AFF1: variants seen among roughly 807,000 people sequenced by gnomAD.
AFF1 encodes ALF transcription elongation factor 1.
Under a neutral mutation model 121.7 loss-of-function variants are expected in AFF1, and 48 were observed. That is an observed-to-expected ratio of 0.39 (90% CI 0.31 to 0.50). The LOEUF (loss-of-function observed/expected upper bound fraction) is 0.50, where lower values mean the gene tolerates loss of function less well. AFF1 is among the 20% of genes least tolerant of loss of function. The pLI, the probability that AFF1 is intolerant of heterozygous loss-of-function variation, is 0.76. For synonymous variants in AFF1, 613 were observed against 563.0 expected (o/e 1.09, Z -1.26); for missense variants, 1,523 against 1,511.7 (o/e 1.01, Z -0.12).
At chr4:86,989,620 T>C (rs567404107) in intron 2 of AFF1, among the ~76,000 whole-genome samples, 1 of 152,326 alleles carries the variant, frequency 6.6e-6, no homozygotes, top group South Asian at 2.1e-4. Context: ...AGTGTGGTGA[T>C]TCCTCAAGGA....
chr4:87,112,675 TCAG>T (rs1178029190), intron 11 of AFF1, among the ~76,000 whole-genome samples: 1 of 152,240 alleles, frequency 6.6e-6, no homozygotes, highest in East Asian at 1.9e-4. Flanking sequence ...GGGAAAATTG[TCAG>T]CAGTCTTTCT....
intron 8 of AFF1, among the ~76,000 whole-genome samples, chr4:87,096,434 G>GT (rs1441575732): frequency 9.9e-6 from 1 of 101,082 alleles, no homozygotes; most frequent in East Asian, 3.2e-4. Context: ...GTCTCCCTTT[G>GT]TTGCCCAGGC....
intron 2 of AFF1, among the ~76,000 whole-genome samples, chr4:87,018,135 A>T (rs1351203812): frequency 1.3e-5 from 2 of 152,218 alleles, no homozygotes; most frequent in East Asian, 3.8e-4. Flanking sequence ...GCCAATTCAC[A>T]CGCATTAAGT....
chr4:87,135,688 C>T lies in AFF1; in HGVS notation c.3644C>T (p.Thr1215Ile). ...GGTTTTCAGCAGCTACAAGAATTAA[C>T]CAAAACACCTTAATGGAGCCCCAGG... is the stretch of plus-strand genomic sequence containing the variant. ...RQGFQQLQEL[T>I]KTP Residue 1215 changes from threonine (T) to isoleucine (I), a missense_variant, in exon 21 of 21, where the codon ACC becomes ATC. Physicochemically the swap from Thr to Ile is moderately conservative, Grantham distance 89. Coordinates refer to ENST00000395146, the MANE Select transcript of AFF1 (RefSeq NM_001166693.3). The T allele has an allele frequency of 6.2e-7, 1 of 1,611,732 alleles. No individual in the cohort carries two copies. The highest frequency in any genetic ancestry group is 8.5e-7 in the Non-Finnish European group (1 of 1,178,980).
chr4:86,970,108 T>C (rs1722839627), intron 2 of AFF1, among the ~76,000 whole-genome samples: 1 of 152,104 alleles, frequency 6.6e-6, no homozygotes, highest in African/African-American at 2.4e-5. Flanking sequence ...TTTAATGTTA[T>C]AACTTTTAAA....
chr4:86,956,793 G>A (rs6834549), intron 2 of AFF1, among the ~76,000 whole-genome samples: 5,909 of 152,250 alleles, frequency 0.039, 194 homozygotes, highest in African/African-American at 0.092. Context: ...TTGCATAGAT[G>A]TGCCATCTTG....
At chr4:87,056,872 C>T (rs144005747) in intron 4 of AFF1, among the ~76,000 whole-genome samples, 68 of 152,308 alleles carry the variant, frequency 4.5e-4, no homozygotes, top group African/African-American at 1.4e-3. Context: ...TAGGTGCTAA[C>T]TCATTTCATA....
At chr4:86,973,737 T>A (rs1256942168) in intron 2 of AFF1, 1 of 152,150 alleles carries the variant, frequency 6.6e-6, no homozygotes, top group Non-Finnish European at 1.5e-5. Context: ...TTTTCCTTTC[T>A]CTTTTCTCTT....
intron 12 of AFF1, among the ~76,000 whole-genome samples, chr4:87,116,970 G>C (rs1727189704): frequency 6.6e-6 from 1 of 152,152 alleles, no homozygotes; most frequent in Non-Finnish European, 1.5e-5. Context: ...TCCCTGTCCT[G>C]GTAAATCTCT....
chr4:86,963,963 G>GTTTTTTTTTTTTTTT (rs3035477), intron 2 of AFF1, among the ~76,000 whole-genome samples: 24 of 104,356 alleles, frequency 2.3e-4, no homozygotes, highest in African/African-American at 3.1e-4. Context: ...GACTAGACTG[G>GTTTTTTTTTTTTTTT]TTTTTTTTTT....
chr4:87,115,350 G>A (rs1205004195), intron 12 of AFF1, 51 bp downstream of exon 12: 1 of 1,466,894 alleles, frequency 6.8e-7, no homozygotes, highest in Non-Finnish European at 9.0e-7. Context: ...CCTTGCTGTT[G>A]GCCTGGCGGT....
At chr4:87,051,748 G>A (rs1336535051) in intron 4 of AFF1, among the ~76,000 whole-genome samples, 2 of 152,116 alleles carry the variant, frequency 1.3e-5, no homozygotes, top group Admixed American at 1.3e-4. Flanking sequence ...GATTACAGGT[G>A]TGAGCCACTG....
intron 1 of AFF1, among the ~76,000 whole-genome samples, chr4:86,939,624 A>C (rs1018104177): frequency 5.3e-5 from 8 of 152,200 alleles, no homozygotes; most frequent in Admixed American, 1.3e-4. Context: ...CTATTATTCA[A>C]CTTGTGAAAG....
intron 4 of AFF1, among the ~76,000 whole-genome samples, chr4:87,068,339 G>T (rs969195986): frequency 8.2e-5 from 12 of 145,600 alleles, no homozygotes; most frequent in African/African-American, 3.1e-4. Context: ...CCTTGTGATA[G>T]AATTAATTCT....
chr4:86,970,947 T>C (rs1001539083), intron 2 of AFF1, among the ~76,000 whole-genome samples: 1 of 152,068 alleles, frequency 6.6e-6, no homozygotes, highest in African/African-American at 2.4e-5. Context: ...GGAGGCCAGA[T>C]TGTGGAGGGC....
intron 2 of AFF1, among the ~76,000 whole-genome samples, chr4:86,964,233 C>T (rs1722369989): frequency 1.3e-5 from 2 of 151,070 alleles, no homozygotes; most frequent in African/African-American, 2.4e-5. Context: ...AAGCCATTCT[C>T]CTGCCTCAGT....
At chr4:87,112,497 T>A (rs1158142911) in intron 11 of AFF1, among the ~76,000 whole-genome samples, 2 of 152,244 alleles carry the variant, frequency 1.3e-5, no homozygotes, top group African/African-American at 4.8e-5. Context: ...GCCTGGTTTT[T>A]TAAGTTTCTT....
intron 19 of AFF1, among the ~76,000 whole-genome samples, chr4:87,133,975 T>G (rs1478016077): frequency 6.6e-6 from 1 of 152,196 alleles, no homozygotes; most frequent in Non-Finnish European, 1.5e-5. Context: ...ATGCAAAAAT[T>G]AGTGAGACAT....
intron 2 of AFF1, among the ~76,000 whole-genome samples, chr4:87,037,338 G>A (rs1729667141): frequency 6.6e-6 from 1 of 152,078 alleles, no homozygotes; most frequent in African/African-American, 2.4e-5. Context: ...TTGAGATGGA[G>A]TCTTGCTCTG....
Sources: gnomAD v4.1 joint callset for allele counts (sites outside exome capture counted in the v4.1 genomes callset) on GRCh38, gnomAD v4.1.1 for gene constraint, MANE v1.5 for transcripts, NCBI Gene and HGNC (gene_info 2026-07-23, HGNC 2026-07-21) for gene names.